LHPP: variants seen among roughly 807,000 people sequenced by gnomAD.
LHPP encodes the protein hLHPP.
In LHPP, 24 loss-of-function variants were observed where a neutral mutation model predicts 30.3. That is an observed-to-expected ratio of 0.79 (90% CI 0.57 to 1.11). The LOEUF (loss-of-function observed/expected upper bound fraction) is 1.11. Among genes scored for constraint, LHPP ranks in the 50% most tolerant of loss-of-function variants. The pLI, the probability that LHPP is intolerant of heterozygous loss-of-function variation, is 0.00. For missense variants in LHPP, 356 were observed against 367.2 expected (o/e 0.97, Z 0.25); for synonymous variants, 150 against 157.1 (o/e 0.95, Z 0.34).
chr10:124,513,791 A>T (rs927901760), intron 5 of LHPP, among the ~76,000 whole-genome samples: 21 of 93,970 alleles, frequency 2.2e-4, no homozygotes, highest in African/African-American at 7.7e-4. Context: ...TATTTATATT[A>T]AAAAAAAAAA....
At chr10:124,499,868 A>G (rs904019073) in intron 5 of LHPP, among the ~76,000 whole-genome samples, 6 of 151,912 alleles carry the variant, frequency 3.9e-5, no homozygotes, top group African/African-American at 1.5e-4. Flanking sequence ...CTGCACCTGC[A>G]CCTGCCCTGA....
At chr10:124,547,262 A>T (rs767488498) in intron 6 of LHPP, among the ~76,000 whole-genome samples, 1 of 152,214 alleles carries the variant, frequency 6.6e-6, no homozygotes, top group African/African-American at 2.4e-5. Context: ...CCCTGTTAAC[A>T]GATGTTTAGA....
intron 5 of LHPP, among the ~76,000 whole-genome samples, chr10:124,513,102 GTT>G (rs926401934): frequency 6.6e-6 from 1 of 152,070 alleles, no homozygotes; most frequent in African/African-American, 2.4e-5. Flanking sequence ...TTGTTTGTTT[GTT>G]TTAAGACAGA....
In LHPP at chr10:124,587,738, T is replaced by TAAAAAAA. The variant is rs747954796; in HGVS notation, c.717-25505_717-25499dup. Among the ~76,000 whole-genome samples the TAAAAAAA allele has an allele frequency of 8.6e-3, 458 of 52,966 alleles. 16 individuals carry two copies. The highest frequency in any genetic ancestry group is 0.018 in the Middle Eastern group (1 of 56). 34.7% of individuals were successfully genotyped at this position (52,966 alleles called of 152,430 possible). ...CTGGGAGACACAGCCAGACTCCATCTAAAAAAAAAAAAAAAAAAAAAAAAA... is the reference window on the plus strand; with the variant it reads ...CTGGGAGACACAGCCAGACTCCATCTAAAAAAAAAAAAAAAAAAAAAAAAAAAAAAAA... On this transcript the variant is annotated intron_variant, in intron 6 of 6. Coordinates refer to ENST00000368842, the MANE Select transcript of LHPP (RefSeq NM_022126.4).
intron 6 of LHPP, among the ~76,000 whole-genome samples, chr10:124,531,365 G>A (rs191462879): frequency 4.6e-5 from 7 of 152,328 alleles, no homozygotes; most frequent in Admixed American, 2.6e-4. Flanking sequence ...TGGAGTTCCC[G>A]CAGCCTTCTC....
chr10:124,521,176 G>A lies in LHPP; in HGVS notation c.716+3905G>A, dbSNP rs58036966. Among the ~76,000 whole-genome samples the A allele has an allele frequency of 4.6e-3, 694 of 152,288 alleles. 3 individuals carry two copies. The highest frequency in any genetic ancestry group is 0.016 in the African/African-American group (668 of 41,556). ...CTCGCTCTCTGGAGGGCTGTTTTGGGACTGGAATTGCCTGCGTGGTGCTCC... is the reference window on the plus strand; with the variant it reads ...CTCGCTCTCTGGAGGGCTGTTTTGGAACTGGAATTGCCTGCGTGGTGCTCC... On this transcript the variant is annotated intron_variant, in intron 6 of 6. Transcript: ENST00000368842.
intron 3 of LHPP, among the ~76,000 whole-genome samples, chr10:124,494,104 G>A (rs2133867187): frequency 6.6e-6 from 1 of 152,314 alleles, no homozygotes; most frequent in Middle Eastern, 3.4e-3. Context: ...TTTTGATTGT[G>A]TATTTTCAGT....
intron 1 of LHPP, among the ~76,000 whole-genome samples, chr10:124,475,309 T>A (rs1952909672): frequency 1.3e-5 from 2 of 150,510 alleles, no homozygotes; most frequent in East Asian, 4.1e-4. Flanking sequence ...TGCTGGGGAT[T>A]ACAGGCATGA....
At position 124,499,988 on chromosome 10, in the gene LHPP, G is replaced by A. The variant is rs1190681617; in HGVS notation, c.624+1860G>A. ...AAAGGTTTGTGTTTTGAATGAGTGA[G>A]AACTGCAGCAATAAATAACCTGGCT... is the stretch of plus-strand genomic sequence containing the variant. On this transcript the variant is annotated intron_variant, in intron 5 of 6. Coordinates refer to ENST00000368842, the MANE Select transcript of LHPP (RefSeq NM_022126.4). Among the ~76,000 whole-genome samples, 3 of 152,014 alleles carry A rather than the reference G, an allele frequency of 2.0e-5. 1 individual carries two copies. Among genetic ancestry groups the A allele is most frequent in the African/African-American group, 7.3e-5 (3 of 41,248 alleles).
chr10:124,469,065 G>T (rs553059568), intron 1 of LHPP, among the ~76,000 whole-genome samples: 30 of 152,224 alleles, frequency 2.0e-4, no homozygotes, highest in Non-Finnish European at 3.8e-4. Context: ...CAGCCACGGG[G>T]GCGAGTGGCC....
intron 1 of LHPP, among the ~76,000 whole-genome samples, chr10:124,469,454 TC>T (rs1312349067): frequency 1.3e-5 from 2 of 152,016 alleles, no homozygotes; most frequent in Admixed American, 6.6e-5. Flanking sequence ...GGGAGGCCTG[TC>T]GTGCGCCAGG....
chr10:124,582,900 T>C (rs1015447353), intron 6 of LHPP, among the ~76,000 whole-genome samples: 3 of 151,916 alleles, frequency 2.0e-5, no homozygotes, highest in African/African-American at 4.8e-5. Context: ...AAGTGAATCA[T>C]CATGAAGGTC....
intron 6 of LHPP, among the ~76,000 whole-genome samples, chr10:124,561,053 G>A (rs1397550417): frequency 1.3e-5 from 2 of 152,166 alleles, no homozygotes; most frequent in Non-Finnish European, 2.9e-5. Flanking sequence ...TCAGTGGAGG[G>A]GTGAATTCCC....
Position 124,575,335 on chromosome 10 carries a change from G to A in LHPP, c.717-37929G>A, listed in dbSNP as rs531431289. Among the ~76,000 whole-genome samples the A allele has an allele frequency of 5.9e-5, 9 of 152,226 alleles. No individual in the cohort carries two copies. The South Asian group carries it at 1.9e-3, about 32-fold the overall frequency. ...CATGGGGAGCATCCGACAAAACCAA[G>A]CTGTCCGCATCTCCAAGGACAGGCA... On this transcript the variant is annotated intron_variant, in intron 6 of 6. Coordinates refer to ENST00000368842, the MANE Select transcript of LHPP (RefSeq NM_022126.4).
intron 6 of LHPP, among the ~76,000 whole-genome samples, chr10:124,600,749 C>A (rs905388838): frequency 1.4e-4 from 22 of 152,190 alleles, no homozygotes; most frequent in Non-Finnish European, 4.4e-5. Flanking sequence ...GAGGGACTGC[C>A]CCCCAGCCCA....
intron 6 of LHPP, among the ~76,000 whole-genome samples, chr10:124,567,828 C>T (rs954563975): frequency 2.6e-5 from 4 of 152,266 alleles, no homozygotes; most frequent in African/African-American, 9.6e-5. Flanking sequence ...TACCCACGTG[C>T]ACACACGAGT....
At chr10:124,488,653 A>G in intron 3 of LHPP, 78 bp downstream of exon 3, 1 of 1,363,866 alleles carries the variant, frequency 7.3e-7, no homozygotes, top group Non-Finnish European at 1.0e-6. Context: ...GGAATCAGGC[A>G]GAGAAGGATG....
At chr10:124,524,280 T>G (rs80138710) in intron 6 of LHPP, among the ~76,000 whole-genome samples, 6,826 of 149,052 alleles carry the variant, frequency 0.046, 180 homozygotes, top group South Asian at 0.079. Flanking sequence ...TTTTCATTTT[T>G]TTTTTTTTTT....
intron 1 of LHPP, among the ~76,000 whole-genome samples, chr10:124,475,810 A>G (rs1380144481): frequency 6.6e-6 from 1 of 152,120 alleles, no homozygotes; most frequent in Non-Finnish European, 1.5e-5. Context: ...AGTGGAAGAA[A>G]GGAGCCAGGA....
Sources: gnomAD v4.1 joint callset for allele counts (sites outside exome capture counted in the v4.1 genomes callset) on GRCh38, gnomAD v4.1.1 for gene constraint, MANE v1.5 for transcripts, NCBI Gene and HGNC (gene_info 2026-07-23, HGNC 2026-07-21) for gene names.